The following MOCOS variants were observed in gnomAD, a reference collection of about 807,000 sequenced individuals.
MOCOS encodes molybdenum cofactor sulfurase, also known as human molybdenum cofactor sulfurase.
A neutral mutation model predicts 83.6 loss-of-function variants in MOCOS; 86 were observed. The observed-to-expected ratio is 1.03, with a 90% CI of 0.86 to 1.23. The LOEUF is 1.23. Among genes scored for constraint, MOCOS ranks in the 50% most tolerant of loss-of-function variants. The probability of loss-of-function intolerance (pLI) is 0.00; values close to 1 mark genes in which losing one functional copy is unlikely to be tolerated. For synonymous variants in MOCOS, 445 were observed against 434.7 expected (o/e 1.02, Z -0.29); for missense variants, 1,120 against 1,126.9 (o/e 0.99, Z 0.09).
At position 36,215,378 on chromosome 18, in the gene MOCOS, C is replaced by T. The variant is rs12457201; in HGVS notation, c.1336-138C>T. On this transcript the variant is annotated intron_variant, in intron 7 of 14. Coordinates refer to ENST00000261326, the MANE Select transcript of MOCOS (RefSeq NM_017947.4). ...GTAGAGAGCTGAACTATGTCCCAGA[C>T]GCACAGCACATATTAATGTTGCAGT... 0.068 allele frequency: 56,050 copies of T among 825,842 alleles called. 2,175 individuals carry two copies. The highest frequency in any genetic ancestry group is 0.13 in the Admixed American group (6,287 of 49,688). The allele number at this position is 825,842 out of a possible 1,614,324, so 51.2% of individuals were successfully genotyped here.
chr18:36,198,733 C>T lies in MOCOS; in HGVS notation c.276C>T (p.Asp92=), dbSNP rs1047332518. Residue 92 remains aspartate (D), a synonymous_variant, in exon 3 of 15, where the codon GAC becomes GAT. Transcript: ENST00000261326. ...SQNISSKLTH[D]TVEQVRYRIL... is the part of the protein sequence containing the mutation. ...ACATCAGCAGCAAGCTCACCCATGACACTGTGGAGCAGGTGCGCTACAGGT... is the reference window on the plus strand; with the variant it reads ...ACATCAGCAGCAAGCTCACCCATGATACTGTGGAGCAGGTGCGCTACAGGT... 3.7e-6 allele frequency: 6 copies of T among 1,614,080 alleles called. No homozygotes were observed. In the African/African-American group the frequency reaches 5.3e-5, roughly 14 times the overall value.
chr18:36,210,881 GTAAC>G (rs1284218338), intron 6 of MOCOS, among the ~76,000 whole-genome samples: 3 of 64,600 alleles, frequency 4.6e-5, no homozygotes, highest in African/African-American at 1.6e-4. Context: ...AAAAAAAAAA[GTAAC>G]TGTGTGTGCT....
chr18:36,247,387 C>T (rs1199983132), intron 9 of MOCOS, among the ~76,000 whole-genome samples: 1 of 152,356 alleles, frequency 6.6e-6, no homozygotes, highest in East Asian at 1.9e-4. Context: ...TTTGTCTCCT[C>T]TTCTGCATTC....
intron 7 of MOCOS, among the ~76,000 whole-genome samples, chr18:36,213,762 C>G (rs966577274): frequency 1.3e-5 from 2 of 151,528 alleles, no homozygotes; most frequent in African/African-American, 4.9e-5. Flanking sequence ...AACCCTGTCT[C>G]TACTAAAGAT....
At chr18:36,210,880 A>AAAAAAAAAAAAAAAAAAAAAT (rs2091453118) in intron 6 of MOCOS, among the ~76,000 whole-genome samples, 1 of 136,586 alleles carries the variant, frequency 7.3e-6, no homozygotes, top group Non-Finnish European at 1.6e-5. Flanking sequence ...AAAAAAAAAA[A>AAAAAAAAAAAAAAAAAAAAAT]GTAACTGTGT....
intron 11 of MOCOS, among the ~76,000 whole-genome samples, chr18:36,252,573 A>G (rs781425920): frequency 6.6e-5 from 10 of 151,972 alleles, no homozygotes; most frequent in Admixed American, 6.6e-4. Context: ...AAAATTTAAA[A>G]AATTGCTAGG....
chr18:36,271,796 A>C lies in MOCOS; in HGVS notation c.*3111A>C, dbSNP rs558108634. 1 of 152,300 alleles carries C rather than the reference A, an allele frequency of 6.6e-6. No homozygotes were observed. Among genetic ancestry groups the C allele is most frequent in the East Asian group, 1.9e-4 (1 of 5,186 alleles). 9.4% of individuals were successfully genotyped at this position (152,300 alleles called of 1,614,324 possible). A position where few individuals can be genotyped will look rare whatever the true frequency, so the allele number is the denominator to read the frequency against. On this transcript the variant is annotated 3_prime_UTR_variant, in exon 15 of 15. Coordinates refer to ENST00000261326, the MANE Select transcript of MOCOS (RefSeq NM_017947.4). ...AGGGTGGCGGTGCTGACTTCTCCCC[A>C]TTGAGAGTCAGCCTCATCCCCTCCT...
At chr18:36,218,715 T>G (rs1254493574) in intron 8 of MOCOS, among the ~76,000 whole-genome samples, 1 of 151,906 alleles carries the variant, frequency 6.6e-6, no homozygotes, top group East Asian at 1.9e-4. Flanking sequence ...AGACAGGGTC[T>G]TGCTATGTTG....
intron 9 of MOCOS, among the ~76,000 whole-genome samples, chr18:36,221,030 G>C (rs1762513482): frequency 6.6e-6 from 1 of 151,908 alleles, no homozygotes; most frequent in Admixed American, 6.6e-5. Flanking sequence ...TATACTGCAG[G>C]CTTTAATTCA....
chr18:36,248,928 A>G lies in MOCOS; in HGVS notation c.1967A>G (p.Glu656Gly). Residue 656 changes from glutamate to glycine, a missense_variant, in exon 10 of 15, where the codon GAG (glutamate) becomes GGG (glycine). By Grantham distance (98) the Glu-to-Gly change is moderately conservative. Transcript: ENST00000261326. Reference sequence around the variant, plus strand: ...TTTAACCTTTGTTCATTAGGGATGGAGCCTATAGAGGTGCCTCTTGAGGAA... The same window carrying G: ...TTTAACCTTTGTTCATTAGGGATGGGGCCTATAGAGGTGCCTCTTGAGGAA... ...RIMVIKAKGM[E>G]PIEVPLEENS... 1 of 1,613,550 alleles carries G rather than the reference A, an allele frequency of 6.2e-7. No individual in the cohort carries two copies. The highest frequency in any genetic ancestry group is 8.5e-7 in the Non-Finnish European group (1 of 1,179,618).
intron 9 of MOCOS, among the ~76,000 whole-genome samples, chr18:36,241,574 G>A (rs187873071): frequency 6.6e-5 from 10 of 152,288 alleles, no homozygotes; most frequent in African/African-American, 2.4e-4. Flanking sequence ...CTATCATTCT[G>A]GGGTCTGGAG....
rs1182500140 is a variant in MOCOS at position 36,238,884 on chromosome 18, T to C, written c.1961-10038T>C. 3.5e-5 allele frequency among the ~76,000 whole-genome samples: 5 copies of C among 143,812 alleles called. No homozygotes were observed. In the East Asian group the frequency reaches 1.0e-3, roughly 29 times the overall value. 94.3% of individuals were successfully genotyped at this position (143,812 alleles called of 152,430 possible). ...TGTTGAATTGATCCCTTTACCATTA[T>C]GTAATGGCCTTCTTTGTCTCTTTTG... is the stretch of plus-strand genomic sequence containing the variant. On this transcript the variant is annotated intron_variant, in intron 9 of 14. Coordinates refer to ENST00000261326, the MANE Select transcript of MOCOS (RefSeq NM_017947.4).
intron 7 of MOCOS, among the ~76,000 whole-genome samples, chr18:36,215,029 T>C (rs1191289725): frequency 1.3e-5 from 2 of 152,192 alleles, no homozygotes; most frequent in Non-Finnish European, 2.9e-5. Flanking sequence ...GGCTGGTCAT[T>C]TGCAGGGGCA....
rs777185484 is a variant in MOCOS at position 36,198,750 on chromosome 18, G to A, written c.293G>A (p.Arg98His). 16 of 1,613,942 alleles carry A rather than the reference G, an allele frequency of 9.9e-6. No homozygotes were observed. The highest frequency in any genetic ancestry group is 4.5e-5 in the East Asian group (2 of 44,888). Residue 98 changes from arginine (R) to histidine (H), a missense_variant, in exon 3 of 15, where the codon CGC (arginine) becomes CAC (histidine). Transcript: ENST00000261326. ...ACCCATGACACTGTGGAGCAGGTGC[G>A]CTACAGGTAAGCATCAGGGACACCT... ...KLTHDTVEQV[R>H]YRILAHFHTT... is the part of the protein sequence containing the mutation.
chr18:36,215,990 A>C lies in MOCOS; in HGVS notation c.1797+13A>C. 1.2e-6 allele frequency: 2 copies of C among 1,603,840 alleles called. No homozygotes were observed. The highest frequency in any genetic ancestry group is 1.7e-6 in the Non-Finnish European group (2 of 1,174,390). On this transcript the variant is annotated intron_variant, in intron 8 of 14. Coordinates refer to ENST00000261326, the MANE Select transcript of MOCOS (RefSeq NM_017947.4). The stretch of plus-strand genomic sequence containing the variant: ...TGCTGCATTTGAGGTAAGGAATTTC[A>C]CAGCAGCACAGAAAGTCTTCTCTTT...
chr18:36,259,553 C>CAA (rs11302704), intron 12 of MOCOS, among the ~76,000 whole-genome samples: 42 of 141,458 alleles, frequency 3.0e-4, no homozygotes, highest in Non-Finnish European at 4.6e-4. Flanking sequence ...TTTTAATACC[C>CAA]AAAAAAAAAA....
chr18:36,201,241 G>A (rs1404490084), intron 4 of MOCOS, among the ~76,000 whole-genome samples: 2 of 152,224 alleles, frequency 1.3e-5, no homozygotes, highest in African/African-American at 4.8e-5. Context: ...TGGCCTTGAC[G>A]ATAGAGTCAG....
At chr18:36,244,418 T>C (rs561020072) in intron 9 of MOCOS, among the ~76,000 whole-genome samples, 1 of 152,270 alleles carries the variant, frequency 6.6e-6, no homozygotes, top group South Asian at 2.1e-4. Flanking sequence ...AATTTCCATG[T>C]CTTTGTATAG....
At chr18:36,253,071 G>A (rs2091627904) in intron 11 of MOCOS, among the ~76,000 whole-genome samples, 1 of 152,146 alleles carries the variant, frequency 6.6e-6, no homozygotes, top group Admixed American at 6.5e-5. Context: ...GATTTGTCAG[G>A]ACCTGTGTAC....
Sources: gnomAD v4.1 joint callset for allele counts (sites outside exome capture counted in the v4.1 genomes callset) on GRCh38, gnomAD v4.1.1 for gene constraint, MANE v1.5 for transcripts, NCBI Gene and HGNC (gene_info 2026-07-23, HGNC 2026-07-21) for gene names.